The following BIRC6 variants were observed in gnomAD, a reference collection of about 807,000 sequenced individuals.
BIRC6 encodes dual E2 ubiquitin-conjugating enzyme/E3 ubiquitin-protein ligase BIRC6.
In BIRC6, 98 loss-of-function variants were observed where a neutral mutation model predicts 503.3. The observed-to-expected ratio is 0.19, with a 90% CI of 0.17 to 0.23. The LOEUF (loss-of-function observed/expected upper bound fraction) is 0.23, where lower values mean the gene tolerates loss of function less well. Among genes scored for constraint, BIRC6 ranks in the 10% least tolerant of loss-of-function variants. BIRC6 has a pLI of 1.00. For synonymous variants in BIRC6, 2,240 were observed against 2,078.7 expected (o/e 1.08, Z -2.11); for missense variants, 5,360 against 5,806.0 (o/e 0.92, Z 2.50).
intron 51 of BIRC6, among the ~76,000 whole-genome samples, chr2:32,508,584 C>A (rs1189334311): frequency 6.6e-6 from 1 of 151,900 alleles, no homozygotes; most frequent in Non-Finnish European, 1.5e-5. Flanking sequence ...TGCCTATGAC[C>A]AGCCTATGAC....
At chr2:32,544,668 A>G (rs1330012516) in intron 62 of BIRC6, among the ~76,000 whole-genome samples, 2 of 151,874 alleles carry the variant, frequency 1.3e-5, no homozygotes, top group Non-Finnish European at 2.9e-5. Flanking sequence ...AATCTAATAA[A>G]ACTATATGAA....
At chr2:32,514,961 T>A in intron 54 of BIRC6, 29 bp from the exon 55 acceptor site, 1 of 1,512,114 alleles carries the variant, frequency 6.6e-7, no homozygotes, top group Non-Finnish European at 9.1e-7. Context: ...TATACTTGTA[T>A]CATTAATATG....
chr2:32,542,736 G>A (rs1335528006), intron 61 of BIRC6, among the ~76,000 whole-genome samples: 5 of 152,346 alleles, frequency 3.3e-5, no homozygotes, highest in Admixed American at 1.3e-4. Flanking sequence ...AATAACTAAT[G>A]TAGAGACACT....
intron 73 of BIRC6, among the ~76,000 whole-genome samples, chr2:32,614,424 G>A (rs746925347): frequency 1.3e-5 from 2 of 152,146 alleles, no homozygotes; most frequent in Non-Finnish European, 2.9e-5. Flanking sequence ...GCTTATATCC[G>A]CATTCCTTTA....
intron 49 of BIRC6, among the ~76,000 whole-genome samples, chr2:32,504,077 T>TGTGTGTGTGTGTG (rs58131659): frequency 1.5e-4 from 22 of 145,704 alleles, no homozygotes; most frequent in Admixed American, 5.5e-4. Flanking sequence ...TGTGTGTGTG[T>TGTGTGTGTGTGTG]TTAGTAGAGA....
At chr2:32,395,044 C>T (rs1441768512) in intron 5 of BIRC6, among the ~76,000 whole-genome samples, 9 of 152,000 alleles carry the variant, frequency 5.9e-5, no homozygotes, top group South Asian at 2.1e-4. Flanking sequence ...CCCAGCCACT[C>T]GGGAGGCTGA....
At chr2:32,392,175 CTT>C in intron 5 of BIRC6, 25 bp downstream of exon 5, 1 of 1,482,990 alleles carries the variant, frequency 6.7e-7, no homozygotes, top group Non-Finnish European at 9.2e-7. Flanking sequence ...TAAAAAAATA[CTT>C]TTCTCAGTAG....
intron 9 of BIRC6, among the ~76,000 whole-genome samples, chr2:32,410,377 T>C (rs1433690006): frequency 1.3e-5 from 2 of 152,112 alleles, no homozygotes; most frequent in Non-Finnish European, 2.9e-5. Flanking sequence ...AAAATATACA[T>C]GAATATTGAA....
intron 6 of BIRC6, among the ~76,000 whole-genome samples, chr2:32,400,291 A>G (rs2040451123): frequency 6.6e-6 from 1 of 150,820 alleles, no homozygotes; most frequent in South Asian, 2.1e-4. Flanking sequence ...TGTGTTCTTA[A>G]TATATATTAT....
At position 32,464,687 on chromosome 2, in the gene BIRC6, C is replaced by T; in HGVS notation, c.5120C>T (p.Pro1707Leu). ...TPKTTPLFMT[P>L]PLTPPNEAVS... ...AAAACAACACCTCTTTTTATGACTC[C>T]ACCACTCACTCCACCCAATGAAGCA... The change falls in exon 25 of 74, where the codon CCA (proline) becomes CTA (leucine). Residue 1707 changes from proline (P) to leucine (L), a missense_variant. This residue lies in a region of BIRC6 where 2,299 missense variants were observed against 2,267.2 expected (regional missense o/e 1.01). Transcript: ENST00000421745. 2 of 1,613,922 alleles carry T rather than the reference C, an allele frequency of 1.2e-6. No individual in the cohort carries two copies. The highest frequency in any genetic ancestry group is 1.7e-6 in the Non-Finnish European group (2 of 1,179,884).
intron 66 of BIRC6, among the ~76,000 whole-genome samples, chr2:32,584,028 G>A (rs574493262): frequency 1.3e-5 from 2 of 152,148 alleles, no homozygotes; most frequent in South Asian, 2.1e-4. Context: ...CACCTTGCCC[G>A]GCCTGTAAAT....
Position 32,463,293 on chromosome 2 carries a change from A to T in BIRC6, c.4853A>T (p.Gln1618Leu). 6.2e-7 allele frequency: 1 copy of T among 1,613,924 alleles called. No individual in the cohort carries two copies. The highest frequency in any genetic ancestry group is 8.5e-7 in the Non-Finnish European group (1 of 1,179,858). The change falls in exon 24 of 74, where the codon CAG becomes CTG. Residue 1618 changes from glutamine to leucine, a missense_variant. Gln to Leu is a moderately radical substitution (Grantham distance 113, BLOSUM62 -2). Around this residue, in one of 16 missense-constraint regions of BIRC6, gnomAD observed 2,299 missense variants for 2,267.2 expected, o/e 1.01. Transcript: ENST00000421745. ...AGTTCAGCAGCCCAGGTAGCTTTGC[A>T]GTCTCTCTCTCATGCAATGGCTTCA... is the stretch of plus-strand genomic sequence containing the variant. ...ALSSAAQVAL[Q>L]SLSHAMASAE...
chr2:32,480,420 A>G (rs1340758545), intron 37 of BIRC6, among the ~76,000 whole-genome samples: 1 of 152,018 alleles, frequency 6.6e-6, no homozygotes, highest in East Asian at 1.9e-4. Context: ...ATTAATCTTC[A>G]TGTACTTATA....
chr2:32,618,683 T>C lies in BIRC6; in HGVS notation c.*779T>C, dbSNP rs1215703723. On this transcript the variant is annotated 3_prime_UTR_variant, in exon 74 of 74. Coordinates refer to ENST00000421745, the MANE Select transcript of BIRC6 (RefSeq NM_016252.4). ...GAAAGTCATTCTAAACTGATTTTTT[T>C]TTTCTAAAGGGCTCCTTTTTTCCTG... 1 of 152,622 alleles carries C rather than the reference T, an allele frequency of 6.6e-6. No homozygotes were observed. Among genetic ancestry groups the C allele is most frequent in the Non-Finnish European group, 1.5e-5 (1 of 68,044 alleles). The allele number at this position is 152,622 out of a possible 1,614,324, so 9.5% of individuals were successfully genotyped here.
At chr2:32,424,345 T>C (rs558168977) in intron 10 of BIRC6, among the ~76,000 whole-genome samples, 4 of 152,248 alleles carry the variant, frequency 2.6e-5, no homozygotes, top group Admixed American at 6.5e-5. Context: ...CTGTGACTAC[T>C]GTAAGGGGTG....
chr2:32,604,182 G>T (rs567482287), intron 71 of BIRC6, among the ~76,000 whole-genome samples: 1 of 152,134 alleles, frequency 6.6e-6, no homozygotes, highest in Admixed American at 6.5e-5. Flanking sequence ...CCCTTTTACA[G>T]ATGATGAAAA....
intron 15 of BIRC6, among the ~76,000 whole-genome samples, chr2:32,437,432 T>C (rs2044851553): frequency 6.6e-6 from 1 of 152,200 alleles, no homozygotes; most frequent in South Asian, 2.1e-4. Context: ...GAGATCCTTC[T>C]CCAACCCAAG....
chr2:32,401,763 A>G, intron 8 of BIRC6, 140 bp downstream of exon 8: 1 of 700,696 alleles, frequency 1.4e-6, no homozygotes, highest in Non-Finnish European at 2.2e-6. Context: ...TTGGTTAGAA[A>G]TCTGAAATCT....
chr2:32,411,407 A>G (rs1182843072), intron 9 of BIRC6, among the ~76,000 whole-genome samples: 1 of 146,976 alleles, frequency 6.8e-6, no homozygotes, highest in African/African-American at 2.5e-5. Context: ...AATTATATAT[A>G]TATATATATA....
Sources: gnomAD v4.1 joint callset for allele counts (sites outside exome capture counted in the v4.1 genomes callset) on GRCh38, gnomAD v4.1.1 for gene constraint, gnomAD v4.1.1 regional missense constraint, MANE v1.5 for transcripts, NCBI Gene and HGNC (gene_info 2026-07-23, HGNC 2026-07-21) for gene names.